ADAMTS12: variants seen among roughly 807,000 people sequenced by gnomAD.
ADAMTS12 encodes A disintegrin and metalloproteinase with thrombospondin motifs 12.
ADAMTS12 carries 118 observed loss-of-function variants against 167.8 expected under a neutral mutation model. The ratio of observed to expected loss-of-function variants is 0.70; its 90% CI spans 0.61 to 0.82. The LOEUF is 0.82. Among genes scored for constraint, ADAMTS12 ranks in the 40% least tolerant of loss-of-function variants. The pLI, the probability that ADAMTS12 is intolerant of heterozygous loss-of-function variation, is 0.00. For synonymous variants in ADAMTS12, 704 were observed against 716.9 expected, an observed-to-expected ratio of 0.98 and a Z score of 0.29; for missense variants, 1,916 against 1,998.8, an observed-to-expected ratio of 0.96 and a Z score of 0.79.
At chr5:33,675,996 AC>A (rs967580909) in intron 5 of ADAMTS12, among the ~76,000 whole-genome samples, 1 of 152,134 alleles carries the variant, frequency 6.6e-6, no homozygotes, top group South Asian at 2.1e-4. Context: ...GTCAAAACAA[AC>A]CCCCATTCAC....
At chr5:33,822,453 G>A (rs1364223541) in intron 2 of ADAMTS12, among the ~76,000 whole-genome samples, 1 of 152,072 alleles carries the variant, frequency 6.6e-6, no homozygotes, top group Non-Finnish European at 1.5e-5. Flanking sequence ...TGAGGAAATT[G>A]GGTTATATTT....
At chr5:33,737,151 T>C (rs906810851) in intron 3 of ADAMTS12, among the ~76,000 whole-genome samples, 7 of 152,186 alleles carry the variant, frequency 4.6e-5, no homozygotes, top group African/African-American at 1.7e-4. Flanking sequence ...CCCTTGTTCT[T>C]GTTACTGTGC....
At chr5:33,850,336 C>T (rs888022745) in intron 2 of ADAMTS12, among the ~76,000 whole-genome samples, 3 of 152,162 alleles carry the variant, frequency 2.0e-5, no homozygotes, top group African/African-American at 7.2e-5. Flanking sequence ...GGGAAGCTGG[C>T]CACGGCGACC....
intron 19 of ADAMTS12, among the ~76,000 whole-genome samples, chr5:33,564,284 A>T (rs1745896719): frequency 6.6e-6 from 1 of 152,220 alleles, no homozygotes; most frequent in Non-Finnish European, 1.5e-5. Flanking sequence ...CAGGGAGAGG[A>T]ACCAGCATGA....
chr5:33,857,894 A>G (rs1293818538), intron 2 of ADAMTS12, among the ~76,000 whole-genome samples: 1 of 152,250 alleles, frequency 6.6e-6, no homozygotes, highest in East Asian at 1.9e-4. Context: ...GGATGAATAG[A>G]CAAATTCACA....
intron 2 of ADAMTS12, among the ~76,000 whole-genome samples, chr5:33,837,936 A>G (rs1319593314): frequency 6.6e-6 from 1 of 152,238 alleles, no homozygotes; most frequent in Non-Finnish European, 1.5e-5. Flanking sequence ...TACAATATTG[A>G]AACTATAATT....
At chr5:33,642,734 T>G (rs927188950) in intron 10 of ADAMTS12, among the ~76,000 whole-genome samples, 2 of 152,222 alleles carry the variant, frequency 1.3e-5, no homozygotes, top group Non-Finnish European at 2.9e-5. Context: ...TCTGATATCC[T>G]TTTTTTCCTC....
intron 17 of ADAMTS12, among the ~76,000 whole-genome samples, chr5:33,593,732 C>T (rs761309743): frequency 4.6e-5 from 7 of 151,846 alleles, no homozygotes; most frequent in East Asian, 1.9e-4. Context: ...CTAATGCAAG[C>T]GGGGCTTAAA....
At chr5:33,819,925 T>A (rs1157675089) in intron 2 of ADAMTS12, among the ~76,000 whole-genome samples, 1 of 152,156 alleles carries the variant, frequency 6.6e-6, no homozygotes, top group African/African-American at 2.4e-5. Context: ...ATATTCTCCA[T>A]CCTCTTGCTG....
chr5:33,843,604 A>G (rs1748829826), intron 2 of ADAMTS12, among the ~76,000 whole-genome samples: 1 of 152,264 alleles, frequency 6.6e-6, no homozygotes, highest in Non-Finnish European at 1.5e-5. Flanking sequence ...TTTCATAAAT[A>G]TAAAAGGGAG....
intron 20 of ADAMTS12, among the ~76,000 whole-genome samples, chr5:33,560,321 G>C (rs543065170): frequency 6.6e-6 from 1 of 152,306 alleles, no homozygotes; most frequent in East Asian, 1.9e-4. Context: ...AACACTGTTG[G>C]TGGGACTGCA....
At chr5:33,878,076 C>A (rs967786211) in intron 2 of ADAMTS12, among the ~76,000 whole-genome samples, 1 of 152,150 alleles carries the variant, frequency 6.6e-6, no homozygotes. Flanking sequence ...TAGGGCCATA[C>A]CTGGGTGAAA....
chr5:33,617,573 C>T (rs1739089588), intron 14 of ADAMTS12, among the ~76,000 whole-genome samples: 1 of 152,116 alleles, frequency 6.6e-6, no homozygotes, highest in South Asian at 2.1e-4. Flanking sequence ...TGATTAAAAC[C>T]ACTAATGTAT....
intron 2 of ADAMTS12, among the ~76,000 whole-genome samples, chr5:33,756,061 G>C (rs1221159683): frequency 6.6e-6 from 1 of 152,200 alleles, no homozygotes; most frequent in Non-Finnish European, 1.5e-5. Flanking sequence ...AGAGGGCTAA[G>C]AAAGGTACTG....
intron 1 of ADAMTS12, among the ~76,000 whole-genome samples, chr5:33,885,297 T>C (rs1248492111): frequency 6.6e-6 from 1 of 152,204 alleles, no homozygotes; most frequent in Non-Finnish European, 1.5e-5. Context: ...TATATATGCA[T>C]ATGAACAAAG....
chr5:33,864,816 A>G (rs549920974), intron 2 of ADAMTS12, among the ~76,000 whole-genome samples: 1 of 152,240 alleles, frequency 6.6e-6, no homozygotes, highest in Non-Finnish European at 1.5e-5. Flanking sequence ...AGGGAGGGGA[A>G]CATCACACAT....
intron 13 of ADAMTS12, among the ~76,000 whole-genome samples, chr5:33,626,363 T>G (rs1739598856): frequency 1.4e-5 from 2 of 142,570 alleles, no homozygotes; most frequent in Admixed American, 6.9e-5. Flanking sequence ...GATGTGATGG[T>G]GGTGGTGGTG....
intron 3 of ADAMTS12, among the ~76,000 whole-genome samples, chr5:33,714,716 T>C (rs186193250): frequency 2.6e-5 from 4 of 152,208 alleles, no homozygotes; most frequent in African/African-American, 9.6e-5. Flanking sequence ...CAAAATTACA[T>C]GTTCTCACTC....
rs116765611 is a variant in ADAMTS12, at chr5:33,791,724, T to C, written c.490-40176A>G. ...GTGGTTCCTTGAGATACCCCAGATA[T>C]CCTTCCAAACCACCCAATCAATTCC... On this transcript the variant is annotated intron_variant, in intron 2 of 23. Transcript: ENST00000504830. Among the ~76,000 whole-genome samples, 1,346 of 152,138 alleles carry C rather than the reference T, an allele frequency of 8.8e-3. 16 individuals are homozygous for C. Among genetic ancestry groups the C allele is most frequent in the African/African-American group, 0.031 (1,305 of 41,504 alleles).
Sources: allele counts gnomAD v4.1 joint callset (sites outside exome capture counted in the v4.1 genomes callset), GRCh38; gene constraint gnomAD v4.1.1; transcripts MANE v1.5; gene names NCBI Gene and HGNC (gene_info 2026-07-23, HGNC 2026-07-21).